Variants in PDE1C observed in about 807,000 individuals in gnomAD.
PDE1C encodes phosphodiesterase 1C.
In PDE1C, 62 loss-of-function variants were observed where a neutral mutation model predicts 93.1. That is an observed-to-expected ratio of 0.67 (90% confidence interval 0.54 to 0.82). PDE1C has a LOEUF of 0.82. Ranked by LOEUF, PDE1C falls within the 40% of genes least tolerant of loss-of-function variation. The probability of loss-of-function intolerance (pLI) is 0.00; values close to 1 mark genes in which losing one functional copy is unlikely to be tolerated. For synonymous variants in PDE1C, 325 were observed against 310.1 expected, an observed-to-expected ratio of 1.05 and a Z score of -0.50; for missense variants, 742 against 884.6, an observed-to-expected ratio of 0.84 and a Z score of 2.04.
intron 1 of PDE1C, chr7:32,052,171 G>T: frequency 5.1e-6 from 2 of 395,144 alleles, no homozygotes; most frequent in South Asian, 3.7e-5. Flanking sequence ...AAGAAGTGAG[G>T]AAGGGGACAA....
chr7:32,086,413 A>G, intron 3 of PDE1C, among the ~76,000 whole-genome samples: 1 of 152,232 alleles, frequency 6.6e-6, no homozygotes, highest in Non-Finnish European at 1.5e-5. Context: ...AAATATCGTG[A>G]AAATGGCCAT....
chr7:32,229,500 A>G (rs1316256023), intron 1 of PDE1C, among the ~76,000 whole-genome samples: 1 of 152,200 alleles, frequency 6.6e-6, no homozygotes, highest in African/African-American at 2.4e-5. Context: ...ATTTGACCCC[A>G]TGTCTGGTTG....
At chr7:32,377,098 C>T (rs1315486624) in intron 1 of PDE1C, among the ~76,000 whole-genome samples, 1 of 152,158 alleles carries the variant, frequency 6.6e-6, no homozygotes, top group Non-Finnish European at 1.5e-5. Flanking sequence ...CCCTCCCTCC[C>T]TTGTTCTACT....
intron 2 of PDE1C, among the ~76,000 whole-genome samples, chr7:31,947,909 T>C (rs1318043128): frequency 1.3e-5 from 2 of 152,206 alleles, no homozygotes; most frequent in African/African-American, 2.4e-5. Context: ...ACTCTAGCTA[T>C]ATTACTAAAG....
the PDE1C span, among the ~76,000 whole-genome samples, chr7:31,621,278 G>A: frequency 0.062 from 6,388 of 102,476 alleles, 191 homozygotes; most frequent in Non-Finnish European, 0.085. Flanking sequence ...TACTCCTCGA[G>A]AAGAGCAACT....
intron 2 of PDE1C, among the ~76,000 whole-genome samples, chr7:31,981,976 T>C (rs722271): frequency 0.15 from 22,781 of 152,186 alleles, 2,771 homozygotes; most frequent in East Asian, 0.32. Flanking sequence ...TATATATTTT[T>C]TCAGTGCCTT....
chr7:32,420,736 A>G (rs10239812), intron 1 of PDE1C, among the ~76,000 whole-genome samples: 19,539 of 151,952 alleles, frequency 0.13, 1,304 homozygotes, highest in East Asian at 0.18. Context: ...TTTTTTAAGT[A>G]TCTTTACTCA....
chr7:31,765,475 G>A (rs1324909300), intron 17 of PDE1C, among the ~76,000 whole-genome samples: 2 of 152,134 alleles, frequency 1.3e-5, no homozygotes, highest in African/African-American at 2.4e-5. Flanking sequence ...TCTTAACAAC[G>A]TGTGCATTTT....
chr7:32,341,513 A>G (rs562212341), intron 1 of PDE1C, among the ~76,000 whole-genome samples: 1 of 152,240 alleles, frequency 6.6e-6, no homozygotes, highest in East Asian at 1.9e-4. Flanking sequence ...TGTGTGGAGC[A>G]CAGATGAAAC....
rs140082996 is a variant in PDE1C at position 31,793,257 on chromosome 7, A to G, written c.1891+15774T>C. On this transcript the variant is annotated intron_variant, in intron 16 of 17. Coordinates refer to ENST00000396191, the MANE Select transcript of PDE1C (RefSeq NM_001191057.4). ...AATTTAACATGACTTGATTCTAAAG[A>G]TGTGTTTATCCATTATAATGTTTAT... 5.3e-4 allele frequency among the ~76,000 whole-genome samples: 80 copies of G among 152,174 alleles called. 3 individuals carry two copies. In the East Asian group the frequency reaches 0.011, roughly 21 times the overall value.
chr7:32,141,545 T>A (rs1452882653), intron 3 of PDE1C, among the ~76,000 whole-genome samples: 2 of 152,144 alleles, frequency 1.3e-5, no homozygotes, highest in African/African-American at 4.8e-5. Flanking sequence ...CTAAACTAAT[T>A]GGGAGAAAAA....
intron 7 of PDE1C, among the ~76,000 whole-genome samples, chr7:31,861,278 T>A (rs10257069): frequency 0.1 from 15,325 of 152,184 alleles, 1,120 homozygotes; most frequent in East Asian, 0.25. Flanking sequence ...TTGGCTCTAA[T>A]TCTTTGCCTT....
At chr7:31,826,777 A>T (rs1241137986) in intron 12 of PDE1C, among the ~76,000 whole-genome samples, 1 of 152,166 alleles carries the variant, frequency 6.6e-6, no homozygotes, top group Non-Finnish European at 1.5e-5. Context: ...AAAATCCTCC[A>T]ATTAATCCTC....
the PDE1C span, among the ~76,000 whole-genome samples, chr7:31,638,073 G>T: frequency 9.2e-5 from 14 of 152,124 alleles, no homozygotes; most frequent in Non-Finnish European, 1.9e-4. Context: ...TCCCACCAAA[G>T]TGTGCAGGGC....
At chr7:32,320,629 A>T (rs1783271371) in intron 1 of PDE1C, among the ~76,000 whole-genome samples, 1 of 151,782 alleles carries the variant, frequency 6.6e-6, no homozygotes, top group Admixed American at 6.6e-5. Context: ...ACATACACAC[A>T]CACACACACA....
intron 1 of PDE1C, among the ~76,000 whole-genome samples, chr7:32,378,545 G>A (rs929894404): frequency 1.3e-5 from 2 of 152,174 alleles, no homozygotes; most frequent in Admixed American, 6.5e-5. Context: ...CATTATTCTA[G>A]AGGTCACAAG....
At chr7:32,412,285 G>A (rs1306238667) in intron 1 of PDE1C, among the ~76,000 whole-genome samples, 1 of 151,702 alleles carries the variant, frequency 6.6e-6, no homozygotes, top group Non-Finnish European at 1.5e-5. Flanking sequence ...TGAGACCCCT[G>A]TTTATACTAA....
At chr7:31,741,943 T>C in the PDE1C span, among the ~76,000 whole-genome samples, 1 of 152,234 alleles carries the variant, frequency 6.6e-6, no homozygotes, top group Non-Finnish European at 1.5e-5. Flanking sequence ...CCTCATCACA[T>C]TGTTTGCTAG....
chr7:32,363,606 C>T (rs1326969871), intron 1 of PDE1C, among the ~76,000 whole-genome samples: 1 of 152,206 alleles, frequency 6.6e-6, no homozygotes, highest in Non-Finnish European at 1.5e-5. Context: ...GTTTGAGGCT[C>T]TTCTTTTTAA....
Sources: gnomAD v4.1 joint callset for allele counts (sites outside exome capture counted in the v4.1 genomes callset) on GRCh38, gnomAD v4.1.1 for gene constraint, MANE v1.5 for transcripts, NCBI Gene and HGNC (gene_info 2026-07-23, HGNC 2026-07-21) for gene names.